Variants in SNU13 observed in about 807,000 individuals in gnomAD.
SNU13 encodes NHP2-like protein 1.
A neutral mutation model predicts 12.4 loss-of-function variants in SNU13; 2 were observed. That is an observed-to-expected ratio of 0.16 (90% CI 0.07 to 0.51). The LOEUF is 0.51. SNU13 is among the 20% of genes least tolerant of loss of function. SNU13 has a pLI of 0.96. For missense variants in SNU13, 66 were observed against 157.8 expected (o/e 0.42, Z 3.12); for synonymous variants, 68 against 66.5 (o/e 1.02, Z -0.11).
chr22:41,681,959 G>A (rs913378165), intron 1 of SNU13, among the ~76,000 whole-genome samples: 2 of 151,042 alleles, frequency 1.3e-5, no homozygotes, highest in Non-Finnish European at 2.9e-5. Flanking sequence ...CATTCCCACT[G>A]CTCCAGTAAA....
chr22:41,682,384 C>G, intron 1 of SNU13: 6 of 1,613,962 alleles, frequency 3.7e-6, no homozygotes, highest in Non-Finnish European at 5.1e-6. Flanking sequence ...AGTCTCTTGC[C>G]GGACACCGCG....
At chr22:41,681,893 C>A (rs1213562836) in intron 1 of SNU13, among the ~76,000 whole-genome samples, 1 of 152,176 alleles carries the variant, frequency 6.6e-6, no homozygotes, top group Admixed American at 6.6e-5. Flanking sequence ...AATAAATACA[C>A]ACCCATGTAG....
chr22:41,681,104 G>GT (rs2068259860), intron 1 of SNU13: 1 of 152,098 alleles, frequency 6.6e-6, no homozygotes, highest in African/African-American at 2.4e-5. Context: ...CTCCATATGC[G>GT]TATCTTCTGT....
Position 41,679,583 on chromosome 22 carries a change from A to T in SNU13, c.124+661T>A, listed in dbSNP as rs576850592. 1.9e-4 allele frequency: 29 copies of T among 152,060 alleles called. No individual in the cohort carries two copies. In the East Asian group the frequency reaches 2.1e-3, roughly 11 times the overall value. The allele number at this position is 152,060 out of a possible 1,614,324, so 9.4% of individuals were successfully genotyped here. ...AAAAAAATAAATAAATAAATAAAAT[A>T]AAATTAAAAAAATAATAATGAATAA... On this transcript the variant is annotated intron_variant, in intron 2 of 2. Transcript: ENST00000401959.
intron 2 of SNU13, among the ~76,000 whole-genome samples, chr22:41,676,814 C>T (rs2002927): frequency 0.01 from 1,589 of 152,232 alleles, 28 homozygotes; most frequent in African/African-American, 0.037. Context: ...CTCGCTTTGC[C>T]GTCAGCCTTT....
chr22:41,683,612 A>G (rs2068284312), intron 1 of SNU13, among the ~76,000 whole-genome samples: 1 of 152,150 alleles, frequency 6.6e-6, no homozygotes, highest in Non-Finnish European at 1.5e-5. Context: ...TACCTAATCT[A>G]TATTATGTTT....
At chr22:41,678,057 G>A (rs2068229359) in intron 2 of SNU13, among the ~76,000 whole-genome samples, 1 of 150,706 alleles carries the variant, frequency 6.6e-6, no homozygotes, top group South Asian at 2.1e-4. Context: ...CTCACTGCAA[G>A]CTCCGCCTCC....
intron 2 of SNU13, among the ~76,000 whole-genome samples, chr22:41,676,718 G>A (rs916826613): frequency 2.0e-5 from 3 of 152,106 alleles, no homozygotes; most frequent in Non-Finnish European, 4.4e-5. Flanking sequence ...TATCCCATGT[G>A]GCATTTTCCA....
intron 2 of SNU13, among the ~76,000 whole-genome samples, chr22:41,676,979 A>G (rs544981597): frequency 6.6e-6 from 1 of 152,216 alleles, no homozygotes; most frequent in Non-Finnish European, 1.5e-5. Flanking sequence ...GTACCACCAC[A>G]GTTGCTATCT....
At chr22:41,689,739 A>G (rs573917911), upstream of SNU13, among the ~76,000 whole-genome samples, 1 of 152,190 alleles carries the variant, frequency 6.6e-6, no homozygotes, top group Non-Finnish European at 1.5e-5. Flanking sequence ...GCACTTTGGG[A>G]AGCTGAGGCG....
intron 1 of SNU13, chr22:41,682,236 C>T: frequency 1.9e-6 from 2 of 1,077,330 alleles, no homozygotes; most frequent in Non-Finnish European, 1.4e-6. Flanking sequence ...CCCGACACCG[C>T]GCACCTGCCT....
At chr22:41,685,956 G>A (rs891914351) in intron 1 of SNU13, among the ~76,000 whole-genome samples, 8 of 133,390 alleles carry the variant, frequency 6.0e-5, no homozygotes, top group South Asian at 5.1e-4. Context: ...GTGACAGAGC[G>A]AGACTCTGTC....
chr22:41,676,986 A>G (rs2068220370), intron 2 of SNU13, among the ~76,000 whole-genome samples: 1 of 152,070 alleles, frequency 6.6e-6, no homozygotes, highest in Non-Finnish European at 1.5e-5. Context: ...CACAGTTGCT[A>G]TCTCTTGAAC....
At chr22:41,685,997 A>T (rs1174748021) in intron 1 of SNU13, among the ~76,000 whole-genome samples, 4 of 150,194 alleles carry the variant, frequency 2.7e-5, no homozygotes, top group Non-Finnish European at 5.9e-5. Context: ...ATTTGTAGAG[A>T]CAGGATCTCA....
Position 41,685,563 on chromosome 22 carries a change from A to G in SNU13, c.3+3231T>C, listed in dbSNP as rs2068303941. 2.0e-5 allele frequency among the ~76,000 whole-genome samples: 3 copies of G among 151,276 alleles called. No individual in the cohort carries two copies. In the South Asian group the frequency reaches 6.2e-4, roughly 32 times the overall value. On this transcript the variant is annotated intron_variant, in intron 1 of 2. Coordinates refer to ENST00000401959, the MANE Select transcript of SNU13 (RefSeq NM_001003796.2). ...AAGACGGGGTTTCACCATGTTGGCCAGGCTGGTCTTGAACTCCTGACCTTG... is the reference window on the plus strand; with the variant it reads ...AAGACGGGGTTTCACCATGTTGGCCGGGCTGGTCTTGAACTCCTGACCTTG...
Position 41,680,331 on chromosome 22 carries a change from G to A in SNU13, c.37C>T (p.Leu13Phe), listed in dbSNP as rs1464453858. ...EADVNPKAYP[L>F]ADAHLTKKLL... is the part of the protein sequence containing the mutation. ...TTCTTGGTGAGGTGGGCATCGGCAA[G>A]GGGATAGGCCTTTGGATTCACATCA... Residue 13 changes from leucine to phenylalanine, a missense_variant, in exon 2 of 3, where the codon CTT becomes TTT. Leu to Phe is a conservative substitution (Grantham distance 22). Transcript: ENST00000401959. 1.2e-6 allele frequency: 2 copies of A among 1,614,056 alleles called. No homozygotes were observed. The highest frequency in any genetic ancestry group is 1.1e-5 in the South Asian group (1 of 91,070).
intron 2 of SNU13, among the ~76,000 whole-genome samples, chr22:41,678,993 G>T (rs1005369705): frequency 6.6e-6 from 1 of 152,180 alleles, no homozygotes; most frequent in Non-Finnish European, 1.5e-5. Flanking sequence ...GGTAGCTCAC[G>T]CCTGCTGTTA....
At chr22:41,682,466 G>A in intron 1 of SNU13, 1 of 1,599,290 alleles carries the variant, frequency 6.3e-7, no homozygotes, top group Non-Finnish European at 8.5e-7. Flanking sequence ...CCGCCCCCAA[G>A]AGCAGGAAGT....
At chr22:41,683,335 C>T (rs948979963) in intron 1 of SNU13, among the ~76,000 whole-genome samples, 1 of 152,096 alleles carries the variant, frequency 6.6e-6, no homozygotes, top group African/African-American at 2.4e-5. Context: ...GGGGGACTTT[C>T]CTGGGCTCAA....
Sources: gnomAD v4.1 joint callset for allele counts (sites outside exome capture counted in the v4.1 genomes callset) on GRCh38, gnomAD v4.1.1 for gene constraint, MANE v1.5 for transcripts, NCBI Gene and HGNC (gene_info 2026-07-23, HGNC 2026-07-21) for gene names.